The following SULF2 variants were observed in gnomAD, a reference collection of about 807,000 sequenced individuals.
SULF2 encodes extracellular sulfatase Sulf-2.
SULF2 carries 52 observed loss-of-function variants against 107.7 expected under a neutral mutation model. The ratio of observed to expected loss-of-function variants is 0.48; its 90% CI spans 0.39 to 0.61. SULF2 has a LOEUF of 0.61. Ranked by LOEUF, SULF2 falls within the 20% of genes least tolerant of loss-of-function variation. SULF2 has a pLI of 0.00. For missense variants in SULF2, 993 were observed against 1,177.3 expected (o/e 0.84, Z 2.29); for synonymous variants, 460 against 464.3 (o/e 0.99, Z 0.12).
At chr20:47,676,767 T>C in intron 9 of SULF2, 144 bp from the exon 10 acceptor site, 1 of 985,634 alleles carries the variant, frequency 1.0e-6, no homozygotes, top group South Asian at 1.7e-5. Context: ...GCCCGGGTCT[T>C]CTGATGTTTA....
At chr20:47,675,067 C>T (rs1291704943) in intron 10 of SULF2, among the ~76,000 whole-genome samples, 1 of 152,176 alleles carries the variant, frequency 6.6e-6, no homozygotes, top group Non-Finnish European at 1.5e-5. Context: ...CTTTCTTGGC[C>T]CCAGCAAAGA....
At chr20:47,695,866 G>A (rs1432278836) in intron 4 of SULF2, among the ~76,000 whole-genome samples, 1 of 152,230 alleles carries the variant, frequency 6.6e-6, no homozygotes, top group African/African-American at 2.4e-5. Context: ...GCCTGGTTTG[G>A]CCTCCCAAAG....
At chr20:47,715,581 GAT>G (rs1491161043) in intron 3 of SULF2, among the ~76,000 whole-genome samples, 2 of 95,990 alleles carry the variant, frequency 2.1e-5, no homozygotes, top group Admixed American at 2.3e-4. Flanking sequence ...AGGGAATGTC[GAT>G]TTTTTTTTTT....
intron 3 of SULF2, among the ~76,000 whole-genome samples, chr20:47,718,728 G>A (rs758133217): frequency 2.0e-5 from 3 of 152,202 alleles, no homozygotes; most frequent in African/African-American, 7.2e-5. Flanking sequence ...GAGGAGGACA[G>A]ATTTGCCCTT....
rs566710953 is a variant in SULF2, at chr20:47,752,624, A to T, written c.175+4565T>A. Among the ~76,000 whole-genome samples, 5 of 151,188 alleles carry T rather than the reference A, an allele frequency of 3.3e-5. No individual in the cohort carries two copies. The East Asian group carries it at 9.7e-4, about 29-fold the overall frequency. ...AAATTAGCTGAGTGTGATGGTGCGC[A>T]CCTGTAGTCCCAGCTACTTCGGGGG... On this transcript the variant is annotated intron_variant, in intron 2 of 20. Transcript: ENST00000688720.
chr20:47,666,351 C>T lies in SULF2; in HGVS notation c.1714G>A (p.Glu572Lys). Residue 572 changes from glutamate to lysine, a missense_variant, in exon 12 of 21, where the codon GAG becomes AAG. By Grantham distance (56) the Glu-to-Lys change is moderately conservative. Transcript: ENST00000688720. The surrounding 1 kb of genome is among the most constrained non-coding windows in gnomAD (Gnocchi z 5.4). ...CCACCATCCTTGTCATCTTGGTCCTCAGGGGCCCCTGGCCAGTGCCGCTTG... is the reference window on the plus strand; with the variant it reads ...CCACCATCCTTGTCATCTTGGTCCTTAGGGGCCCCTGGCCAGTGCCGCTTG... ...LTKRHWPGAP[E>K]DQDDKDGGDF... 6.2e-7 allele frequency: 1 copy of T among 1,614,236 alleles called. No homozygotes were observed. The highest frequency in any genetic ancestry group is 8.5e-7 in the Non-Finnish European group (1 of 1,180,056).
intron 3 of SULF2, among the ~76,000 whole-genome samples, chr20:47,734,980 AC>A (rs1404616489): frequency 6.6e-6 from 1 of 152,234 alleles, no homozygotes. Context: ...ATTTTGAAAC[AC>A]TAGCCTTTAG....
chr20:47,693,893 G>C (rs1457360943), intron 4 of SULF2, among the ~76,000 whole-genome samples: 1 of 152,166 alleles, frequency 6.6e-6, no homozygotes, highest in African/African-American at 2.4e-5. Flanking sequence ...AGCACCAATA[G>C]ATGTGAAGCT....
rs757097543 is a variant in SULF2 at position 47,666,043 on chromosome 20, G to A, written c.1806-90C>T. ...AGAGGTGTGGGAAGCCCTTGCCGAG[G>A]TCTGTCCTGTCCCCTTCACCCTCGA... On this transcript the variant is annotated intron_variant, in intron 12 of 20. Coordinates refer to ENST00000688720, the MANE Select transcript of SULF2 (RefSeq NM_001387048.1). This position sits in a 1 kb window ranked among gnomAD's most constrained non-coding sequence, Gnocchi z 5.4. The A allele has an allele frequency of 1.3e-6, 2 of 1,589,688 alleles. No individual in the cohort carries two copies. The highest frequency in any genetic ancestry group is 2.7e-5 in the African/African-American group (2 of 74,546).
At chr20:47,718,018 C>T (rs7265172) in intron 3 of SULF2, among the ~76,000 whole-genome samples, 15,697 of 152,080 alleles carry the variant, frequency 0.1, 820 homozygotes, top group Middle Eastern at 0.18. Context: ...GGGATTTCAC[C>T]TTGTTGGTTA....
chr20:47,735,202 G>A (rs1315681700), intron 3 of SULF2, among the ~76,000 whole-genome samples: 1 of 152,104 alleles, frequency 6.6e-6, no homozygotes, highest in African/African-American at 2.4e-5. Context: ...AACAGGTCTA[G>A]GGTCTTTACT....
intron 5 of SULF2, among the ~76,000 whole-genome samples, chr20:47,688,089 C>T (rs769780918): frequency 1.3e-5 from 2 of 151,728 alleles, no homozygotes; most frequent in Non-Finnish European, 2.9e-5. Context: ...CACCATCTAC[C>T]AACTTTTGCC....
chr20:47,676,332 C>G (rs185243406), intron 10 of SULF2, among the ~76,000 whole-genome samples, 162 bp downstream of exon 10: 324 of 152,362 alleles, frequency 2.1e-3, no homozygotes, highest in Non-Finnish European at 3.3e-3. Context: ...TTGTGAGCAT[C>G]ATCCTGCACC....
At chr20:47,710,955 G>T (rs77026640) in intron 3 of SULF2, among the ~76,000 whole-genome samples, 5,590 of 152,258 alleles carry the variant, frequency 0.037, 314 homozygotes, top group African/African-American at 0.12. Flanking sequence ...AACTGAAATT[G>T]CCTTGTAATA....
chr20:47,763,615 C>T (rs13040547), intron 1 of SULF2, among the ~76,000 whole-genome samples: 3,902 of 152,272 alleles, frequency 0.026, 59 homozygotes, highest in Middle Eastern at 0.027. Context: ...ATACGTCCCA[C>T]GGGCTGGGGC....
chr20:47,672,095 TG>T, intron 11 of SULF2, 102 bp downstream of exon 11: 1 of 1,291,704 alleles, frequency 7.7e-7, no homozygotes, highest in Non-Finnish European at 1.1e-6. Flanking sequence ...GATCACCACC[TG>T]GCAAAGTGAC....
chr20:47,742,083 C>A (rs113681500), intron 2 of SULF2, among the ~76,000 whole-genome samples: 12 of 152,238 alleles, frequency 7.9e-5, no homozygotes, highest in Non-Finnish European at 1.5e-4. Context: ...CCCGGAATGA[C>A]AGCAGCATCT....
chr20:47,683,113 G>A lies in SULF2; in HGVS notation c.945C>T (p.Thr315=), dbSNP rs376284417. ...GGCCGATGTGGTAACCGTGGTCGGC[G>A]GTGTATACGATGTACGTGTTGTCCA... ...GELDNTYIVY[T]ADHGYHIGQF... The change falls in exon 7 of 21, where the codon ACC becomes ACT. Residue 315 remains threonine, a synonymous_variant. Transcript: ENST00000688720. 29 of 1,613,438 alleles carry A rather than the reference G, an allele frequency of 1.8e-5. No homozygotes were observed. In the Admixed American group the frequency reaches 3.0e-4, roughly 17 times the overall value.
At chr20:47,733,739 C>T (rs1386314229) in intron 3 of SULF2, among the ~76,000 whole-genome samples, 2 of 152,298 alleles carry the variant, frequency 1.3e-5, no homozygotes, top group East Asian at 1.9e-4. Flanking sequence ...TGCCACTGCA[C>T]TCCAGTCTGG....
Sources: allele counts gnomAD v4.1 joint callset (sites outside exome capture counted in the v4.1 genomes callset), GRCh38; gene constraint gnomAD v4.1.1; non-coding constraint Gnocchi (gnomAD v3.1); transcripts MANE v1.5; gene names NCBI Gene and HGNC (gene_info 2026-07-23, HGNC 2026-07-21).